FBN2: variants seen among roughly 807,000 people sequenced by gnomAD.
FBN2 encodes fibrillin-2.
FBN2 carries 105 observed loss-of-function variants against 355.6 expected under a neutral mutation model. The observed-to-expected ratio is 0.30, with a 90% CI of 0.25 to 0.35. FBN2 has a LOEUF of 0.35. FBN2 is among the 10% of genes least tolerant of loss of function. The pLI is 1.00. For missense variants in FBN2, 3,280 were observed against 3,758.7 expected (o/e 0.87, Z 3.33); for synonymous variants, 1,350 against 1,301.2 (o/e 1.04, Z -0.81).
chr5:128,391,636 G>C (rs1752513849), intron 11 of FBN2, among the ~76,000 whole-genome samples: 1 of 152,132 alleles, frequency 6.6e-6, no homozygotes, highest in South Asian at 2.1e-4. Flanking sequence ...TGACATATCA[G>C]ATTTTAGTCC....
chr5:128,432,336 GGTAAAATTAA>G (rs1330016471), intron 7 of FBN2, among the ~76,000 whole-genome samples: 35 of 152,152 alleles, frequency 2.3e-4, no homozygotes, highest in African/African-American at 8.4e-4. Context: ...AGAAAATAGT[GGTAAAATTAA>G]GTAAAATTGA....
intron 57 of FBN2, 44 bp downstream of exon 57, chr5:128,278,591 A>G (rs1581183071): frequency 6.4e-7 from 1 of 1,558,004 alleles, no homozygotes. Flanking sequence ...AATTCATAAA[A>G]TTTAATGTGT....
At chr5:128,379,931 A>G (rs1187316782) in intron 11 of FBN2, among the ~76,000 whole-genome samples, 1 of 152,150 alleles carries the variant, frequency 6.6e-6, no homozygotes, top group Non-Finnish European at 1.5e-5. Context: ...TAATAAGCAG[A>G]TTCCTACTTT....
At chr5:128,296,741 A>C (rs1251525060) in intron 48 of FBN2, among the ~76,000 whole-genome samples, 2 of 152,128 alleles carry the variant, frequency 1.3e-5, no homozygotes, top group African/African-American at 4.8e-5. Context: ...ATTCTTTATT[A>C]GTCTTGCTAG....
At chr5:128,529,254 G>A (rs1444085855) in intron 3 of FBN2, among the ~76,000 whole-genome samples, 1 of 152,062 alleles carries the variant, frequency 6.6e-6, no homozygotes, top group East Asian at 1.9e-4. Context: ...GTTCACCCAG[G>A]GAGGGCAGAA....
intron 52 of FBN2, 71 bp from the exon 53 acceptor site, chr5:128,288,628 T>TG: frequency 6.4e-7 from 1 of 1,555,566 alleles, no homozygotes; most frequent in African/African-American, 1.4e-5. Context: ...GGAAGACCCA[T>TG]GCTTGGCCCT....
chr5:128,520,140 T>C lies in FBN2; in HGVS notation c.533-772A>G, dbSNP rs1018066483. On this transcript the variant is annotated intron_variant, in intron 4 of 64. Transcript: ENST00000262464. ...ACTCTCTTTTGCTCCTTTAGCCTTG[T>C]GACCTGGGAGACCAGGAGTTAGGGT... Among the ~76,000 whole-genome samples the C allele has an allele frequency of 3.9e-5, 6 of 152,170 alleles. No individual in the cohort carries two copies. In the East Asian group the frequency reaches 1.2e-3, roughly 29 times the overall value.
At chr5:128,389,461 G>A (rs963041152) in intron 11 of FBN2, among the ~76,000 whole-genome samples, 43 of 152,314 alleles carry the variant, frequency 2.8e-4, no homozygotes, top group African/African-American at 9.6e-4. Context: ...AGCCATGCAG[G>A]GACACTGGCA....
At chr5:128,417,380 C>G (rs1753233559) in intron 7 of FBN2, among the ~76,000 whole-genome samples, 1 of 152,100 alleles carries the variant, frequency 6.6e-6, no homozygotes, top group Admixed American at 6.6e-5. Context: ...GCTAGGACTT[C>G]TGTAGTCTGT....
rs1756845461 is a variant in FBN2, at chr5:128,536,344, C to A, written c.337+58G>T. Reference sequence around the variant, plus strand: ...GTCCAAATGGCTGAGTGCAAGAGGTCGGCCGGAGATAGGGCCGAGTGCGCT... The same window carrying A: ...GTCCAAATGGCTGAGTGCAAGAGGTAGGCCGGAGATAGGGCCGAGTGCGCT... On this transcript the variant is annotated intron_variant, in intron 2 of 64. Transcript: ENST00000262464. 7 of 1,369,468 alleles carry A rather than the reference C, an allele frequency of 5.1e-6. No homozygotes were observed. The South Asian group carries it at 7.1e-5, about 14-fold the overall frequency. 84.8% of individuals were successfully genotyped at this position (1,369,468 alleles called of 1,614,324 possible). A position where few individuals can be genotyped will look rare whatever the true frequency, so the allele number is the denominator to read the frequency against.
chr5:128,283,140 T>C (rs576332613), intron 55 of FBN2, among the ~76,000 whole-genome samples: 1 of 152,336 alleles, frequency 6.6e-6, no homozygotes, highest in East Asian at 1.9e-4. Context: ...GCACCGGTAC[T>C]CTAGATTGCC....
intron 5 of FBN2, among the ~76,000 whole-genome samples, chr5:128,506,193 T>C (rs1755954950): frequency 6.6e-6 from 1 of 152,186 alleles, no homozygotes; most frequent in Non-Finnish European, 1.5e-5. Flanking sequence ...CTGGACTTCA[T>C]ACATTCCTGG....
intron 27 of FBN2, among the ~76,000 whole-genome samples, chr5:128,337,221 T>C (rs1327043809): frequency 1.3e-5 from 2 of 152,204 alleles, no homozygotes; most frequent in African/African-American, 4.8e-5. Context: ...ATGACAAAAT[T>C]CACCTCATAT....
At chr5:128,306,068 T>C (rs1460384940) in intron 42 of FBN2, 120 bp from the exon 43 acceptor site, 3 of 966,552 alleles carry the variant, frequency 3.1e-6, no homozygotes, top group Admixed American at 3.7e-5. Flanking sequence ...CACAAAAATC[T>C]ATTATATACT....
At chr5:128,319,046 T>A in intron 34 of FBN2, 45 bp from the exon 35 acceptor site, 1 of 1,486,270 alleles carries the variant, frequency 6.7e-7, no homozygotes, top group Non-Finnish European at 9.4e-7. Context: ...AGAAGACATT[T>A]TAAAATTTTA....
chr5:128,278,096 T>A (rs1486664574), intron 57 of FBN2, 91 bp from the exon 58 acceptor site: 3 of 1,330,484 alleles, frequency 2.3e-6, no homozygotes, highest in East Asian at 2.3e-5. Context: ...GAAATGGAGA[T>A]GACATAACTA....
At chr5:128,313,226 T>A (rs890372503) in intron 36 of FBN2, among the ~76,000 whole-genome samples, 4 of 146,772 alleles carry the variant, frequency 2.7e-5, no homozygotes, top group African/African-American at 9.7e-5. Flanking sequence ...AGAAGATACT[T>A]AAGGGATCAA....
intron 28 of FBN2, among the ~76,000 whole-genome samples, 163 bp from the exon 29 acceptor site, chr5:128,335,740 C>T (rs1236712437): frequency 6.6e-6 from 1 of 152,192 alleles, no homozygotes; most frequent in Non-Finnish European, 1.5e-5. Flanking sequence ...TTTTAGGCAG[C>T]ATTCCATGTT....
At chr5:128,331,929 G>A (rs989393743) in intron 32 of FBN2, among the ~76,000 whole-genome samples, 1 of 152,136 alleles carries the variant, frequency 6.6e-6, no homozygotes. Context: ...TACGAAAATG[G>A]GAATGAGGGT....
Sources: allele counts gnomAD v4.1 joint callset (sites outside exome capture counted in the v4.1 genomes callset), GRCh38; gene constraint gnomAD v4.1.1; transcripts MANE v1.5; gene names NCBI Gene and HGNC (gene_info 2026-07-23, HGNC 2026-07-21).